ZNF469: variants seen among roughly 807,000 people sequenced by gnomAD.
ZNF469 encodes the protein zinc finger protein 469.
A neutral mutation model predicts 1.0 loss-of-function variants in ZNF469; 1 was observed. The ratio of observed to expected loss-of-function variants is 1.00; its 90% CI spans 0.35 to 4.73. The LOEUF is 4.73. Among genes scored for constraint, ZNF469 ranks in the 30% most tolerant of loss-of-function variants. The pLI is 0.16. For synonymous variants in ZNF469, 2,703 were observed against 2,363.4 expected (o/e 1.14, Z -4.17); for missense variants, 6,100 against 5,356.3 (o/e 1.14, Z -4.33).
the ZNF469 span, among the ~76,000 whole-genome samples, chr16:88,329,187 TA>T: frequency 3.3e-5 from 5 of 151,844 alleles, no homozygotes; most frequent in East Asian, 9.7e-4. Flanking sequence ...AGCTGGGGAG[TA>T]ACACGGCCGC....
In ZNF469 at chr16:88,430,214, A is replaced by T. The variant is rs763172050; in HGVS notation, c.2744A>T (p.Asp915Val). The change falls in exon 3 of 3, where the codon GAC becomes GTC. Residue 915 changes from aspartate to valine, a missense_variant. By Grantham distance (152) the Asp-to-Val change is radical. Coordinates refer to ENST00000565624, the MANE Select transcript of ZNF469 (RefSeq NM_001367624.2). ...TPDPQTPRPG[D>V]RGCPARGRPK... is the part of the protein sequence containing the mutation. ...GACCCCCAAACCCCCCGCCCTGGGG[A>T]CAGGGGCTGCCCAGCCCGAGGCAGG... 17 of 1,543,168 alleles carry T rather than the reference A, an allele frequency of 1.1e-5. No homozygotes were observed. The South Asian group carries it at 1.9e-4, about 17-fold the overall frequency.
At chr16:88,256,038 G>C in the ZNF469 span, among the ~76,000 whole-genome samples, 2 of 152,202 alleles carry the variant, frequency 1.3e-5, no homozygotes, top group Non-Finnish European at 2.9e-5. Flanking sequence ...ACTTTAAAAC[G>C]GTGGTACTTG....
At chr16:88,416,574 G>A (rs1905306066) in intron 1 of ZNF469, among the ~76,000 whole-genome samples, 1 of 152,226 alleles carries the variant, frequency 6.6e-6, no homozygotes, top group Non-Finnish European at 1.5e-5. Context: ...CCCCAGAAAA[G>A]ACCACTGAAA....
chr16:88,181,284 A>G, the ZNF469 span, among the ~76,000 whole-genome samples: 1 of 152,086 alleles, frequency 6.6e-6, no homozygotes, highest in African/African-American at 2.4e-5. Flanking sequence ...GTTGGCTAGG[A>G]TGGTGTTGAT....
chr16:88,267,792 C>T, the ZNF469 span, among the ~76,000 whole-genome samples: 2 of 151,682 alleles, frequency 1.3e-5, no homozygotes, highest in Non-Finnish European at 1.5e-5. Context: ...GTTTGCAGGT[C>T]GGGCTGTTTG....
At chr16:88,344,303 C>T in the ZNF469 span, among the ~76,000 whole-genome samples, 4 of 152,108 alleles carry the variant, frequency 2.6e-5, no homozygotes, top group East Asian at 1.9e-4. Flanking sequence ...TTCATACCAA[C>T]GTGTCGATGC....
rs1338174568 is a variant in ZNF469, at chr16:88,429,338, G to C, written c.1868G>C (p.Ser623Thr). 1 of 1,549,818 alleles carries C rather than the reference G, an allele frequency of 6.5e-7. No individual in the cohort carries two copies. The highest frequency in any genetic ancestry group is 8.7e-7 in the Non-Finnish European group (1 of 1,146,856). ...CCAGCCAACCCCAGCTCAGAGGAAA[G>C]CCAGCTCCCCGGCCCCCTCGGGCCC... ...SSPANPSSEE[S>T]QLPGPLGPSA... Residue 623 changes from serine to threonine, a missense_variant, in exon 3 of 3, where the codon AGC becomes ACC. Coordinates refer to ENST00000565624, the MANE Select transcript of ZNF469 (RefSeq NM_001367624.2).
chr16:88,408,952 A>G (rs749250216), intron 1 of ZNF469, among the ~76,000 whole-genome samples: 1 of 152,232 alleles, frequency 6.6e-6, no homozygotes, highest in Non-Finnish European at 1.5e-5. Context: ...GCTGTATCCT[A>G]TCCAGCCCCA....
chr16:88,252,990 C>T, the ZNF469 span, among the ~76,000 whole-genome samples: 3 of 152,172 alleles, frequency 2.0e-5, no homozygotes, highest in Admixed American at 6.5e-5. Flanking sequence ...CGGTTTTTTG[C>T]TTCACATGGT....
the ZNF469 span, among the ~76,000 whole-genome samples, chr16:88,123,394 A>T: frequency 6.6e-6 from 1 of 152,134 alleles, no homozygotes; most frequent in Non-Finnish European, 1.5e-5. Flanking sequence ...GTTTGTTTGC[A>T]TGTGCACCTG....
the ZNF469 span, among the ~76,000 whole-genome samples, chr16:88,195,717 C>T: frequency 3.3e-5 from 5 of 152,182 alleles, no homozygotes; most frequent in African/African-American, 4.8e-5. Context: ...TCTGAGACCT[C>T]GGGGTGTCCC....
the ZNF469 span, among the ~76,000 whole-genome samples, chr16:88,123,081 TTGAA>T: frequency 1.3e-5 from 2 of 152,192 alleles, no homozygotes; most frequent in Admixed American, 1.3e-4. Context: ...TTTTAGTGGT[TTGAA>T]TGGCATATGC....
chr16:88,313,239 A>G, the ZNF469 span, among the ~76,000 whole-genome samples: 2 of 152,356 alleles, frequency 1.3e-5, no homozygotes, highest in Non-Finnish European at 1.5e-5. Context: ...ATCTAATTAT[A>G]TATGAGAAAG....
At chr16:88,176,623 A>G in the ZNF469 span, among the ~76,000 whole-genome samples, 1 of 151,990 alleles carries the variant, frequency 6.6e-6, no homozygotes, top group Non-Finnish European at 1.5e-5. Context: ...AAACTCTAAG[A>G]AATATGAAAA....
chr16:88,258,587 C>G, the ZNF469 span, among the ~76,000 whole-genome samples: 3 of 152,162 alleles, frequency 2.0e-5, no homozygotes, highest in Non-Finnish European at 4.4e-5. Context: ...TTCGTGGTGA[C>G]TCTAGCTTTG....
In ZNF469 at chr16:88,406,736, T is replaced by C. The variant is rs948795916; in HGVS notation, c.-191-18071T>C. 3.3e-5 allele frequency among the ~76,000 whole-genome samples: 5 copies of C among 152,286 alleles called. No individual in the cohort carries two copies. The East Asian group carries it at 9.7e-4, about 29-fold the overall frequency. ...GGCTACAGAGTCCTCTCTGTGTGTG[T>C]GCGCCTGGGCATAGAGGTGGCTTTT... is the stretch of plus-strand genomic sequence containing the variant. On this transcript the variant is annotated intron_variant, in intron 1 of 2. Coordinates refer to ENST00000565624, the MANE Select transcript of ZNF469 (RefSeq NM_001367624.2).
At chr16:88,229,341 G>A in the ZNF469 span, among the ~76,000 whole-genome samples, 1 of 152,226 alleles carries the variant, frequency 6.6e-6, no homozygotes, top group African/African-American at 2.4e-5. Flanking sequence ...GGAGTAAAAA[G>A]CTGCTCTCGG....
At chr16:88,328,894 G>A in the ZNF469 span, among the ~76,000 whole-genome samples, 3 of 152,148 alleles carry the variant, frequency 2.0e-5, no homozygotes, top group Non-Finnish European at 4.4e-5. Context: ...AGAGGAGGCC[G>A]AGGAGGAAGC....
chr16:88,373,841 A>T, the ZNF469 span, among the ~76,000 whole-genome samples: 52 of 152,264 alleles, frequency 3.4e-4, no homozygotes, highest in Non-Finnish European at 3.4e-4. Context: ...CACTAAATAT[A>T]CAAAAATTAG....
Sources: gnomAD v4.1 joint callset for allele counts (sites outside exome capture counted in the v4.1 genomes callset) on GRCh38, gnomAD v4.1.1 for gene constraint, MANE v1.5 for transcripts, NCBI Gene and HGNC (gene_info 2026-07-23, HGNC 2026-07-21) for gene names.